Variants in INSR observed in about 807,000 individuals in gnomAD.
INSR encodes IR.
In INSR, 67 loss-of-function variants were observed where a neutral mutation model predicts 142.6. That is an observed-to-expected ratio of 0.47 (90% confidence interval 0.39 to 0.58). The LOEUF (loss-of-function observed/expected upper bound fraction) is 0.58, where lower values mean the gene tolerates loss of function less well. Ranked by LOEUF, INSR falls within the 20% of genes least tolerant of loss-of-function variation. The pLI is 0.00. For missense variants in INSR, 1,248 were observed against 1,833.2 expected, an observed-to-expected ratio of 0.68 and a Z score of 5.83; for synonymous variants, 756 against 743.1, an observed-to-expected ratio of 1.02 and a Z score of -0.28.
chr19:7,233,738 C>T (rs1234878519), intron 2 of INSR, among the ~76,000 whole-genome samples: 1 of 133,434 alleles, frequency 7.5e-6, no homozygotes, highest in African/African-American at 2.8e-5. Flanking sequence ...TGCAGTGGCA[C>T]GATCTCCGCT....
chr19:7,274,159 A>C (rs1967998277), intron 1 of INSR, among the ~76,000 whole-genome samples: 2 of 152,014 alleles, frequency 1.3e-5, no homozygotes, highest in Non-Finnish European at 2.9e-5. Context: ...TTTTAGAATG[A>C]AACTGTTCCA....
intron 2 of INSR, among the ~76,000 whole-genome samples, chr19:7,210,228 C>G (rs969454527): frequency 1.3e-5 from 2 of 151,358 alleles, no homozygotes; most frequent in African/African-American, 4.9e-5. Context: ...GACTGTAATC[C>G]CAGTTGCTCG....
intron 2 of INSR, among the ~76,000 whole-genome samples, chr19:7,222,402 G>GT (rs962606161): frequency 1.3e-5 from 2 of 151,900 alleles, no homozygotes; most frequent in African/African-American, 4.8e-5. Context: ...TTATTTTTTT[G>GT]TTTTTTTAAG....
chr19:7,195,036 G>C (rs1363822177), intron 2 of INSR, among the ~76,000 whole-genome samples: 1 of 151,930 alleles, frequency 6.6e-6, no homozygotes, highest in African/African-American at 2.4e-5. Context: ...ATCCCCTCCT[G>C]CAGGGGGAAA....
intron 1 of INSR, among the ~76,000 whole-genome samples, chr19:7,274,350 C>T (rs1166960939): frequency 6.6e-6 from 1 of 151,720 alleles, no homozygotes; most frequent in Non-Finnish European, 1.5e-5. Context: ...ACTGTGCAGC[C>T]CAGCTCCTAA....
Position 7,293,075 on chromosome 19 carries a change from G to A in INSR, c.100+717C>T, listed in dbSNP as rs184155061. Among the ~76,000 whole-genome samples the A allele has an allele frequency of 8.5e-5, 13 of 152,288 alleles. No individual in the cohort carries two copies. In the East Asian group the frequency reaches 1.9e-3, roughly 23 times the overall value. On this transcript the variant is annotated intron_variant, in intron 1 of 21. Transcript: ENST00000302850. ...TGCATAACTGTATCTGCCTCCGGGG[G>A]CCACTGTGACAGTCCAGAGAGATAA...
chr19:7,212,733 C>T (rs1049427119), intron 2 of INSR, among the ~76,000 whole-genome samples: 2 of 152,056 alleles, frequency 1.3e-5, no homozygotes, highest in Non-Finnish European at 2.9e-5. Context: ...CTACAGGCAC[C>T]CACCCCCACG....
chr19:7,261,676 G>A (rs547156770), intron 2 of INSR, among the ~76,000 whole-genome samples: 47 of 151,954 alleles, frequency 3.1e-4, no homozygotes, highest in Non-Finnish European at 6.0e-4. Flanking sequence ...GATTACAGGC[G>A]CCCACCACCA....
Position 7,192,104 on chromosome 19 carries a change from G to C in INSR, c.653-7467C>G, listed in dbSNP as rs1303550321. On this transcript the variant is annotated intron_variant, in intron 2 of 21. Coordinates refer to ENST00000302850, the MANE Select transcript of INSR (RefSeq NM_000208.4). This position sits in a 1 kb window ranked among gnomAD's most constrained non-coding sequence, Gnocchi z 4.2. ...AGAAAGAAGAAAGAATACAGAAAGA[G>C]AAAAAAGAAAAGAAAGAGGGAGAAA... Among the ~76,000 whole-genome samples, 14 of 139,296 alleles carry C rather than the reference G, an allele frequency of 1.0e-4. No individual in the cohort carries two copies. In the Admixed American group the frequency reaches 1.0e-3, roughly 10 times the overall value. 91.4% of individuals were successfully genotyped at this position (139,296 alleles called of 152,430 possible). A position where few individuals can be genotyped will look rare whatever the true frequency, so the allele number is the denominator to read the frequency against.
At chr19:7,274,902 A>G (rs1968020377) in intron 1 of INSR, among the ~76,000 whole-genome samples, 1 of 151,682 alleles carries the variant, frequency 6.6e-6, no homozygotes, top group African/African-American at 2.4e-5. Context: ...CCCAAAATTG[A>G]GCCTTACCCC....
Position 7,248,500 on chromosome 19 carries a change from A to G in INSR, c.652+18845T>C, listed in dbSNP as rs1199717648. ...GACCCCATCTCAAAAAAAAAAAAAA[A>G]AAAAAAAAGCATGACCCTCAACATA... On this transcript the variant is annotated intron_variant, in intron 2 of 21. Transcript: ENST00000302850. Among the ~76,000 whole-genome samples the G allele has an allele frequency of 2.1e-5, 3 of 144,316 alleles. No homozygotes were observed. The East Asian group carries it at 6.3e-4, about 31-fold the overall frequency. 94.7% of individuals were successfully genotyped at this position (144,316 alleles called of 152,430 possible).
At chr19:7,281,791 A>C (rs981644059) in intron 1 of INSR, among the ~76,000 whole-genome samples, 4 of 152,100 alleles carry the variant, frequency 2.6e-5, no homozygotes, top group African/African-American at 9.7e-5. Context: ...AAAAAGGGTA[A>C]TTTTTAGACA....
Position 7,150,085 on chromosome 19 carries a change from C to A in INSR, c.2267+412G>T, listed in dbSNP as rs1390302595. ...TCATGAAAATATTCTGTTTCCAGAT[C>A]AACCTCCATTCATGGTGTAGGAGCT... On this transcript the variant is annotated intron_variant, in intron 11 of 21. Transcript: ENST00000302850. The surrounding 1 kb of genome is among the most constrained non-coding windows in gnomAD (Gnocchi z 4.2). 6.6e-6 allele frequency among the ~76,000 whole-genome samples: 1 copy of A among 152,142 alleles called. No homozygotes were observed. Among genetic ancestry groups the A allele is most frequent in the African/African-American group, 2.4e-5 (1 of 41,436 alleles).
chr19:7,164,866 T>C (rs1973855144), intron 8 of INSR, among the ~76,000 whole-genome samples: 1 of 142,886 alleles, frequency 7.0e-6, no homozygotes, highest in Non-Finnish European at 1.5e-5. Flanking sequence ...GCATGGTGGC[T>C]TATGCCTGTA....
chr19:7,115,015 C>T lies in INSR; in HGVS notation c.*2041G>A, dbSNP rs1456843325. The T allele has an allele frequency of 1.3e-5, 2 of 152,042 alleles. No individual in the cohort carries two copies. Among genetic ancestry groups the T allele is most frequent in the African/African-American group, 4.8e-5 (2 of 41,382 alleles). The allele number at this position is 152,042 out of a possible 1,614,324, so 9.4% of individuals were successfully genotyped here. On this transcript the variant is annotated 3_prime_UTR_variant, in exon 22 of 22. Coordinates refer to ENST00000302850, the MANE Select transcript of INSR (RefSeq NM_000208.4). Reference sequence around the variant, plus strand: ...GTACCCAATCACTGAGGCTCCTCAGCAATATTTTTACATGCTGTATTTTCC... The same window carrying T: ...GTACCCAATCACTGAGGCTCCTCAGTAATATTTTTACATGCTGTATTTTCC...
chr19:7,215,308 G>A (rs375834248), intron 2 of INSR, among the ~76,000 whole-genome samples: 5 of 152,106 alleles, frequency 3.3e-5, no homozygotes, highest in African/African-American at 9.6e-5. Context: ...ACTGTTCCTC[G>A]TATTTATGCC....
chr19:7,171,835 GT>G (rs1974020990), intron 5 of INSR, among the ~76,000 whole-genome samples: 1 of 151,330 alleles, frequency 6.6e-6, no homozygotes, highest in African/African-American at 2.4e-5. Context: ...TTTTCCCGAG[GT>G]TTTGCCAGAT....
At chr19:7,156,789 T>C (rs1314923639) in intron 9 of INSR, among the ~76,000 whole-genome samples, 1 of 136,810 alleles carries the variant, frequency 7.3e-6, no homozygotes, top group Non-Finnish European at 1.6e-5. Flanking sequence ...TCTCTTTTTT[T>C]TTTTTTTTTT....
intron 9 of INSR, among the ~76,000 whole-genome samples, chr19:7,161,863 C>T (rs546771373): frequency 2.2e-4 from 34 of 152,000 alleles, no homozygotes; most frequent in Admixed American, 3.9e-4. Context: ...GTCTTCAGTG[C>T]GTGCTTGTGT....
Sources: gnomAD v4.1 joint callset for allele counts (sites outside exome capture counted in the v4.1 genomes callset) on GRCh38, gnomAD v4.1.1 for gene constraint, Gnocchi (gnomAD v3.1) non-coding constraint, MANE v1.5 for transcripts, NCBI Gene and HGNC (gene_info 2026-07-23, HGNC 2026-07-21) for gene names.